Variants in ERCC6 observed in about 807,000 individuals in gnomAD.
The protein encoded by ERCC6 is ERCC excision repair 6, chromatin remodeling factor, also known as DNA excision repair protein ERCC-6.
Under a neutral mutation model 158.7 loss-of-function variants are expected in ERCC6, and 116 were observed. The ratio of observed to expected loss-of-function variants is 0.73; its 90% confidence interval spans 0.63 to 0.85. ERCC6 has a LOEUF of 0.85. ERCC6 is among the 40% of genes least tolerant of loss of function. The pLI is 0.00. For missense variants in ERCC6, 1,698 were observed against 1,799.4 expected (o/e 0.94, Z 1.02); for synonymous variants, 678 against 659.3 (o/e 1.03, Z -0.43).
At chr10:49,435,967 ACTCCAGC>A in the ERCC6 span, among the ~76,000 whole-genome samples, 1 of 151,088 alleles carries the variant, frequency 6.6e-6, no homozygotes, top group African/African-American at 2.4e-5. Flanking sequence ...GTGCCACTGT[ACTCCAGC>A]CTGGGCGACA....
At chr10:49,508,078 G>A (rs571618104) in intron 5 of ERCC6, among the ~76,000 whole-genome samples, 1 of 152,242 alleles carries the variant, frequency 6.6e-6, no homozygotes, top group South Asian at 2.1e-4. Context: ...TGAACGCAGA[G>A]CCAAACTTCT....
chr10:49,436,335 G>A, the ERCC6 span, among the ~76,000 whole-genome samples: 1 of 152,022 alleles, frequency 6.6e-6, no homozygotes, highest in Non-Finnish European at 1.5e-5. Flanking sequence ...ATAAAAGATT[G>A]ATAAATTTGA....
intron 1 of ERCC6, among the ~76,000 whole-genome samples, chr10:49,538,759 A>AG (rs1428766470): frequency 9.2e-5 from 14 of 152,288 alleles, no homozygotes; most frequent in Admixed American, 6.5e-5. Context: ...GCCTCAGGTG[A>AG]GCGCTCCTTG....
In ERCC6 at chr10:49,524,285, T is replaced by C. The variant is rs56089364; in HGVS notation, c.1145A>G (p.Glu382Gly). The C allele has an allele frequency of 1.1e-4, 171 of 1,614,002 alleles. No individual in the cohort carries two copies. The African/African-American group carries it at 1.9e-3, about 18-fold the overall frequency. Residue 382 changes from glutamate to glycine, a missense_variant, in exon 5 of 21, where the codon GAG becomes GGG. Transcript: ENST00000355832. ...CCCCTCCACCTCGTCATCTTCCTCC[T>C]CTTCCTCCTCCTCTGTGGGGAAATA... ...SEYFPTEEEE[E>G]EEDDEVEGAE... is the part of the protein sequence containing the mutation.
intron 7 of ERCC6, among the ~76,000 whole-genome samples, chr10:49,497,577 G>A (rs1185664951): frequency 6.6e-6 from 1 of 152,248 alleles, no homozygotes; most frequent in South Asian, 2.1e-4. Context: ...AAAAATTGGA[G>A]ATTTTCACGC....
At chr10:49,486,306 G>C (rs1347489464) in intron 8 of ERCC6, among the ~76,000 whole-genome samples, 2 of 152,106 alleles carry the variant, frequency 1.3e-5, no homozygotes, top group African/African-American at 4.8e-5. Flanking sequence ...TTTCAACAGT[G>C]ATCAGCAGCA....
At chr10:49,525,006 C>T (rs1448882742) in intron 4 of ERCC6, 1 of 1,019,020 alleles carries the variant, frequency 9.8e-7, no homozygotes, top group Non-Finnish European at 1.4e-6. Flanking sequence ...AACTTTTCCC[C>T]AAAATATTTC....
intron 18 of ERCC6, among the ~76,000 whole-genome samples, chr10:49,468,080 C>T (rs1850708837): frequency 6.6e-6 from 1 of 152,202 alleles, no homozygotes; most frequent in South Asian, 2.1e-4. Flanking sequence ...CAGGCACTAT[C>T]CCTGGCCATG....
At chr10:49,510,691 T>C (rs1204484541) in intron 5 of ERCC6, among the ~76,000 whole-genome samples, 3 of 152,172 alleles carry the variant, frequency 2.0e-5, no homozygotes, top group African/African-American at 7.2e-5. Context: ...GTATAATGCC[T>C]CCTCATGGCA....
chr10:49,457,978 G>A lies in ERCC6; in HGVS notation c.*837C>T, dbSNP rs1850511298. The stretch of plus-strand genomic sequence containing the variant: ...AGCCTGCAGACAAGAGAGGCCTGGA[G>A]TGGTGTCACTTCATGGTAACAACGG... On this transcript the variant is annotated 3_prime_UTR_variant, in exon 21 of 21. Coordinates refer to ENST00000355832, the MANE Select transcript of ERCC6 (RefSeq NM_000124.4). The A allele has an allele frequency of 6.6e-6, 1 of 152,324 alleles. No individual in the cohort carries two copies. The highest frequency in any genetic ancestry group is 6.5e-5 in the Admixed American group (1 of 15,288). 9.4% of individuals were successfully genotyped at this position (152,324 alleles called of 1,614,324 possible). A position where few individuals can be genotyped will look rare whatever the true frequency, so the allele number is the denominator to read the frequency against.
chr10:49,484,405 G>A (rs1039996762), intron 8 of ERCC6, among the ~76,000 whole-genome samples: 19 of 151,796 alleles, frequency 1.3e-4, no homozygotes, highest in African/African-American at 4.1e-4. Context: ...AGAAAAAGAC[G>A]CATCTGTAGA....
At chr10:49,519,913 T>A (rs906131512) in intron 5 of ERCC6, among the ~76,000 whole-genome samples, 2 of 152,018 alleles carry the variant, frequency 1.3e-5, no homozygotes, top group Non-Finnish European at 2.9e-5. Context: ...TGCCTCAGAC[T>A]CCCCACGCTG....
chr10:49,478,513 A>G (rs769086950), intron 10 of ERCC6, 43 bp from the exon 11 acceptor site: 9 of 1,202,758 alleles, frequency 7.5e-6, no homozygotes, highest in Non-Finnish European at 1.1e-5. Flanking sequence ...TATATGTTTA[A>G]GGAACGCATT....
intron 5 of ERCC6, chr10:49,517,252 C>A: frequency 1.5e-6 from 2 of 1,302,636 alleles, no homozygotes; most frequent in Non-Finnish European, 2.0e-6. Flanking sequence ...CTTTTTACCG[C>A]ACAATAGCAT....
In ERCC6 at chr10:49,473,039, G is replaced by GACACACAACACTGAGC; in HGVS notation, c.2710-27_2710-12dup. On this transcript the variant is annotated splice_polypyrimidine_tract_variant and intron_variant, in intron 14 of 20. Transcript: ENST00000355832. ...AAATATGGATGTGTCCTAGAGGTAA[G>GACACACAACACTGAGC]ACACACAACACTGAGCACACACACT... 6.2e-7 allele frequency: 1 copy of GACACACAACACTGAGC among 1,614,000 alleles called. No homozygotes were observed. Among genetic ancestry groups the GACACACAACACTGAGC allele is most frequent in the Non-Finnish European group, 8.5e-7 (1 of 1,179,978 alleles).
intron 1 of ERCC6, among the ~76,000 whole-genome samples, chr10:49,534,027 G>A (rs552784112): frequency 2.4e-4 from 36 of 151,156 alleles, no homozygotes; most frequent in African/African-American, 7.3e-4. Flanking sequence ...CCAGCCACTC[G>A]GGAGGCTGAA....
In ERCC6 at chr10:49,481,078, T is replaced by C. The variant is rs112905576; in HGVS notation, c.2169+1609A>G. On this transcript the variant is annotated intron_variant, in intron 10 of 20. Coordinates refer to ENST00000355832, the MANE Select transcript of ERCC6 (RefSeq NM_000124.4). ...GATCCTTGTTTTTGGAAATACACAC[T>C]GAGGGATTTGGAGAAAGGGGCATCA... Among the ~76,000 whole-genome samples, 912 of 152,296 alleles carry C rather than the reference T, an allele frequency of 6.0e-3. 7 individuals carry two copies. Among genetic ancestry groups the C allele is most frequent in the Middle Eastern group, 0.017 (5 of 294 alleles).
chr10:49,446,849 A>G, the ERCC6 span, among the ~76,000 whole-genome samples: 4 of 152,330 alleles, frequency 2.6e-5, no homozygotes, highest in Non-Finnish European at 5.9e-5. Context: ...TAGCTTAACC[A>G]GAAAGTTAGA....
intron 1 of ERCC6, among the ~76,000 whole-genome samples, chr10:49,536,782 G>C (rs1837609000): frequency 6.6e-6 from 1 of 152,178 alleles, no homozygotes; most frequent in Admixed American, 6.5e-5. Context: ...TCACTATTGA[G>C]GGTTTTCAGA....
Sources: gnomAD v4.1 joint callset for allele counts (sites outside exome capture counted in the v4.1 genomes callset) on GRCh38, gnomAD v4.1.1 for gene constraint, MANE v1.5 for transcripts, NCBI Gene and HGNC (gene_info 2026-07-23, HGNC 2026-07-21) for gene names.